Variants in SCN11A observed in about 807,000 individuals in gnomAD.
The protein encoded by SCN11A is sodium channel protein type 11 subunit alpha.
SCN11A carries 122 observed loss-of-function variants against 162.2 expected under a neutral mutation model. That is an observed-to-expected ratio of 0.75 (90% CI 0.65 to 0.87). The LOEUF is 0.87. Among genes scored for constraint, SCN11A ranks in the 40% least tolerant of loss-of-function variants. The probability of loss-of-function intolerance (pLI) is 0.00; values close to 1 mark genes in which losing one functional copy is unlikely to be tolerated. For synonymous variants in SCN11A, 758 were observed against 751.5 expected, an observed-to-expected ratio of 1.01 and a Z score of -0.14; for missense variants, 2,015 against 2,181.6, an observed-to-expected ratio of 0.92 and a Z score of 1.52.
At chr3:38,981,861 G>T (rs1357003152) in intron 2 of SCN11A, among the ~76,000 whole-genome samples, 1 of 151,640 alleles carries the variant, frequency 6.6e-6, no homozygotes, top group South Asian at 2.1e-4. Context: ...AAAATTAGCC[G>T]GGCATGGTGG....
chr3:38,910,828 C>A (rs1381954856), intron 11 of SCN11A, among the ~76,000 whole-genome samples: 1 of 152,150 alleles, frequency 6.6e-6, no homozygotes, highest in Non-Finnish European at 1.5e-5. Context: ...CAATGAATAT[C>A]TTTGAACATA....
At chr3:38,874,425 C>G (rs1181454561) in intron 23 of SCN11A, among the ~76,000 whole-genome samples, 1 of 152,116 alleles carries the variant, frequency 6.6e-6, no homozygotes, top group Admixed American at 6.6e-5. Flanking sequence ...TGGTAAAACC[C>G]TGTCTCCATA....
chr3:38,977,100 G>A (rs2066854274), intron 2 of SCN11A, among the ~76,000 whole-genome samples: 1 of 152,084 alleles, frequency 6.6e-6, no homozygotes, highest in African/African-American at 2.4e-5. Flanking sequence ...CATGGATTTG[G>A]ATCCACAAGT....
In SCN11A at chr3:38,907,999, C is replaced by A. The variant is rs373799320; in HGVS notation, c.1423G>T (p.Gly475Trp). The A allele has an allele frequency of 2.7e-5, 44 of 1,612,964 alleles. No homozygotes were observed. The highest frequency in any genetic ancestry group is 3.6e-5 in the Non-Finnish European group (42 of 1,179,810). ...TCTGACCCAGGAGGCTGGTCTTTCC[C>A]AGACTCTCTCAAAAAGAAGGACTTC... is the stretch of plus-strand genomic sequence containing the variant. ...KRKSFFLRES[G>W]KDQPPGSDSD... Residue 475 changes from glycine to tryptophan, a missense_variant, in exon 14 of 30, where the codon GGG becomes TGG. Physicochemically the swap from Gly to Trp is radical, Grantham distance 184. Coordinates refer to ENST00000302328, the MANE Select transcript of SCN11A (RefSeq NM_001349253.2).
intron 2 of SCN11A, among the ~76,000 whole-genome samples, chr3:38,999,008 GTAAC>G (rs1220749441): frequency 1.3e-5 from 2 of 152,050 alleles, no homozygotes; most frequent in Admixed American, 6.5e-5. Context: ...GTATACATAT[GTAAC>G]TAACCTGCAC....
At chr3:39,048,357 G>C (rs1575374311) in intron 1 of SCN11A, among the ~76,000 whole-genome samples, 1 of 152,146 alleles carries the variant, frequency 6.6e-6, no homozygotes, top group African/African-American at 2.4e-5. Context: ...GGTAACTAGT[G>C]GCTGAGAAGG....
intron 22 of SCN11A, 47 bp from the exon 23 acceptor site, chr3:38,880,170 G>T (rs775135144): frequency 5.8e-6 from 8 of 1,378,680 alleles, no homozygotes; most frequent in South Asian, 4.0e-5. Context: ...TATTTGCAAA[G>T]AACTCCTTGG....
chr3:38,944,977 A>T (rs987746885), intron 7 of SCN11A, among the ~76,000 whole-genome samples: 27 of 152,196 alleles, frequency 1.8e-4, no homozygotes, highest in African/African-American at 6.5e-4. Context: ...AAATAAAAAA[A>T]AATAAAAAAA....
chr3:39,042,980 G>GAAAA, intron 1 of SCN11A, among the ~76,000 whole-genome samples: 1 of 113,620 alleles, frequency 8.8e-6, no homozygotes, highest in East Asian at 2.3e-4. Flanking sequence ...AAAAAAAAAA[G>GAAAA]AAAAAGAAAA....
chr3:38,881,763 G>T (rs1448559460), intron 22 of SCN11A, among the ~76,000 whole-genome samples: 2 of 152,162 alleles, frequency 1.3e-5, no homozygotes, highest in East Asian at 1.9e-4. Context: ...TATGTACAGA[G>T]AAATATGGGC....
chr3:39,048,048 A>T (rs1232321898), intron 1 of SCN11A, among the ~76,000 whole-genome samples: 1 of 152,196 alleles, frequency 6.6e-6, no homozygotes, highest in African/African-American at 2.4e-5. Flanking sequence ...TCAGTATGTC[A>T]AAGAGATACC....
In SCN11A at chr3:38,946,901, T is replaced by C. The variant is rs2066526330; in HGVS notation, c.274A>G (p.Met92Val). 1.0e-5 allele frequency: 16 copies of C among 1,593,042 alleles called. No homozygotes were observed. Among genetic ancestry groups the C allele is most frequent in the Non-Finnish European group, 1.4e-5 (16 of 1,168,914 alleles). ...DPFYRNHKTF[M>V]VLNRKRTIYR... is the part of the protein sequence containing the mutation. ...ATTGTCCTCTTTCTGTTTAACACCA[T>C]AAATGTCTGCAAAACAAAAAAAACA... The change falls in exon 6 of 30, where the codon ATG becomes GTG. Residue 92 changes from methionine to valine, a missense_variant. Coordinates refer to ENST00000302328, the MANE Select transcript of SCN11A (RefSeq NM_001349253.2).
chr3:38,910,172 T>C lies in SCN11A; in HGVS notation c.995A>G (p.Lys332Arg), dbSNP rs1026635811. The C allele has an allele frequency of 5.6e-6, 9 of 1,613,580 alleles. No homozygotes were observed. The highest frequency in any genetic ancestry group is 4.0e-5 in the African/African-American group (3 of 74,880). Residue 332 changes from lysine to arginine, a missense_variant, in exon 12 of 30, where the codon AAA becomes AGA. Physicochemically the swap from Lys to Arg is conservative, Grantham distance 26. Transcript: ENST00000302328. ...CGTATAATTATAGTCAGGATTAATTTTGGTGTGCTTACATTCATATTGTAT... is the reference window on the plus strand; with the variant it reads ...CGTATAATTATAGTCAGGATTAATTCTGGTGTGCTTACATTCATATTGTAT... ...CSIQYECKHT[K>R]INPDYNYTNF...
intron 2 of SCN11A, among the ~76,000 whole-genome samples, chr3:38,968,228 T>C (rs952630847): frequency 1.3e-5 from 2 of 152,152 alleles, no homozygotes; most frequent in Admixed American, 6.5e-5. Flanking sequence ...TGACAGAAAA[T>C]GTTCACTCTC....
At chr3:38,938,818 C>T (rs2066396202) in intron 7 of SCN11A, among the ~76,000 whole-genome samples, 1 of 151,454 alleles carries the variant, frequency 6.6e-6, no homozygotes, top group Non-Finnish European at 1.5e-5. Flanking sequence ...CCCGCCTCGG[C>T]CTCCCAAAGC....
rs554682344 is a variant in SCN11A at position 39,002,763 on chromosome 3, T to C, written c.-280+29617A>G. Reference sequence around the variant, plus strand: ...TGGTTGCAAACCTTAAATGCTCTTCTGTAATTTTGTTTGCTTTCTTGAACC... The same window carrying C: ...TGGTTGCAAACCTTAAATGCTCTTCCGTAATTTTGTTTGCTTTCTTGAACC... On this transcript the variant is annotated intron_variant, in intron 2 of 29. Coordinates refer to ENST00000302328, the MANE Select transcript of SCN11A (RefSeq NM_001349253.2). Among the ~76,000 whole-genome samples, 5 of 152,330 alleles carry C rather than the reference T, an allele frequency of 3.3e-5. No individual in the cohort carries two copies. In the South Asian group the frequency reaches 1.0e-3, roughly 32 times the overall value.
chr3:39,031,191 T>C (rs2031740660), intron 2 of SCN11A, among the ~76,000 whole-genome samples: 3 of 152,216 alleles, frequency 2.0e-5, no homozygotes. Context: ...CATGACTTCT[T>C]ACAACTTCAA....
At position 38,960,105 on chromosome 3, in the gene SCN11A, G is replaced by A. The variant is rs183241388; in HGVS notation, c.-139+178C>T. 1.3e-4 allele frequency among the ~76,000 whole-genome samples: 20 copies of A among 151,898 alleles called. No homozygotes were observed. The East Asian group carries it at 3.1e-3, about 23-fold the overall frequency. On this transcript the variant is annotated intron_variant, in intron 3 of 29. Coordinates refer to ENST00000302328, the MANE Select transcript of SCN11A (RefSeq NM_001349253.2). ...TATTTGACAGCAGGGAGAACAACCC[G>A]ATGGACTCCACCAGCTGAGCCATAT...
chr3:39,051,374 G>T (rs1400194628), intron 1 of SCN11A, among the ~76,000 whole-genome samples: 2 of 152,010 alleles, frequency 1.3e-5, no homozygotes, highest in African/African-American at 4.8e-5. Flanking sequence ...GAGAACGTGC[G>T]GTATTTGGTT....
Sources: allele counts gnomAD v4.1 joint callset (sites outside exome capture counted in the v4.1 genomes callset), GRCh38; gene constraint gnomAD v4.1.1; transcripts MANE v1.5; gene names NCBI Gene and HGNC (gene_info 2026-07-23, HGNC 2026-07-21).